The following SCAF4 variants were observed in gnomAD, a reference collection of about 807,000 sequenced individuals.
SCAF4 encodes the protein SR-related and CTD-associated factor 4.
A neutral mutation model predicts 129.8 loss-of-function variants in SCAF4; 25 were observed. The observed-to-expected ratio is 0.19, with a 90% confidence interval of 0.14 to 0.27. SCAF4 has a LOEUF of 0.27. SCAF4 is among the 10% of genes least tolerant of loss of function. The pLI is 1.00. For missense variants in SCAF4, 1,246 were observed against 1,457.1 expected, an observed-to-expected ratio of 0.86 and a Z score of 2.36; for synonymous variants, 551 against 497.7, an observed-to-expected ratio of 1.11 and a Z score of -1.43.
Position 31,672,459 on chromosome 21 carries a change from T to C in SCAF4, c.2489-105A>G, listed in dbSNP as rs548979165. ...GCAAAATAAAATTCAACCCACAATC[T>C]TCAAATTTCATAGTTTGCCACTCTG... On this transcript the variant is annotated intron_variant, in intron 19 of 19. Coordinates refer to ENST00000286835, the MANE Select transcript of SCAF4 (RefSeq NM_020706.2). The C allele has an allele frequency of 1.7e-4, 155 of 922,096 alleles. No individual in the cohort carries two copies. The South Asian group carries it at 2.3e-3, about 14-fold the overall frequency. The allele number at this position is 922,096 out of a possible 1,614,324, so 57.1% of individuals were successfully genotyped here. A position where few individuals can be genotyped will look rare whatever the true frequency, so the allele number is the denominator to read the frequency against.
chr21:31,725,139 T>A (rs902623900), intron 1 of SCAF4, among the ~76,000 whole-genome samples: 1 of 152,184 alleles, frequency 6.6e-6, no homozygotes, highest in Non-Finnish European at 1.5e-5. Context: ...ATCTCCAATT[T>A]TACTGCCAAT....
At chr21:31,694,790 A>G in intron 10 of SCAF4, 23 bp downstream of exon 10, 1 of 1,611,220 alleles carries the variant, frequency 6.2e-7, no homozygotes, top group Non-Finnish European at 8.5e-7. Context: ...AAAAGATAAA[A>G]CTATCTGAGA....
intron 1 of SCAF4, among the ~76,000 whole-genome samples, chr21:31,710,628 A>G (rs2050778548): frequency 6.6e-6 from 1 of 152,230 alleles, no homozygotes; most frequent in African/African-American, 2.4e-5. Flanking sequence ...TGTAGCAGAG[A>G]AAAAACCTGC....
intron 12 of SCAF4, 59 bp from the exon 13 acceptor site, chr21:31,692,508 C>T: frequency 1.8e-6 from 2 of 1,122,578 alleles, no homozygotes; most frequent in East Asian, 2.5e-5. Flanking sequence ...AGCACTGTAG[C>T]TTACATTAAA....
At chr21:31,711,218 TAC>T (rs1308430125) in intron 1 of SCAF4, among the ~76,000 whole-genome samples, 1 of 152,220 alleles carries the variant, frequency 6.6e-6, no homozygotes, top group Non-Finnish European at 1.5e-5. Flanking sequence ...TACAGGGAAA[TAC>T]AGATTTTTCA....
Position 31,705,429 on chromosome 21 carries a change from G to T in SCAF4, c.153C>A (p.Ile51=). ...KHVVQIVEKF[I]KKCKPEYKVP... is the part of the protein sequence containing the mutation. ...TATAATGAGAGATAGTTACCTTTTT[G>T]ATGAACTTTTCTACTATTTGAACTA... Residue 51 remains isoleucine (I), a synonymous_variant, in exon 3 of 20, where the codon ATC becomes ATA. Coordinates refer to ENST00000286835, the MANE Select transcript of SCAF4 (RefSeq NM_020706.2). 2 of 1,267,092 alleles carry T rather than the reference G, an allele frequency of 1.6e-6. No individual in the cohort carries two copies. The highest frequency in any genetic ancestry group is 1.4e-5 in the South Asian group (1 of 73,174). 78.5% of individuals were successfully genotyped at this position (1,267,092 alleles called of 1,614,324 possible). A position where few individuals can be genotyped will look rare whatever the true frequency, so the allele number is the denominator to read the frequency against.
chr21:31,677,375 T>C (rs2049884886), intron 19 of SCAF4, among the ~76,000 whole-genome samples: 1 of 152,102 alleles, frequency 6.6e-6, no homozygotes, highest in African/African-American at 2.4e-5. Flanking sequence ...AGAACAAAAA[T>C]TAAAAACTCC....
At chr21:31,724,553 A>G (rs1312032809) in intron 1 of SCAF4, among the ~76,000 whole-genome samples, 1 of 152,206 alleles carries the variant, frequency 6.6e-6, no homozygotes, top group Non-Finnish European at 1.5e-5. Flanking sequence ...TTCATTACTG[A>G]TGTAACATTT....
chr21:31,719,511 T>G (rs759276161), intron 1 of SCAF4, among the ~76,000 whole-genome samples: 4 of 151,710 alleles, frequency 2.6e-5, no homozygotes, highest in Admixed American at 6.6e-5. Flanking sequence ...CTTCTTTTTT[T>G]TTGTTTTTTT....
At chr21:31,696,335 T>C (rs2050385050) in intron 8 of SCAF4, 114 bp from the exon 9 acceptor site, 3 of 740,354 alleles carry the variant, frequency 4.1e-6, no homozygotes, top group Non-Finnish European at 6.5e-6. Context: ...CTGAACCATA[T>C]ATTTACCTAT....
intron 19 of SCAF4, 168 bp downstream of exon 19, chr21:31,684,881 A>C (rs1309130081): frequency 1.4e-5 from 8 of 586,250 alleles, no homozygotes; most frequent in Non-Finnish European, 2.4e-5. Flanking sequence ...TAAGAGGAAG[A>C]TCTTCCTCAA....
chr21:31,704,866 T>C (rs1202684915), intron 3 of SCAF4, among the ~76,000 whole-genome samples: 2 of 152,176 alleles, frequency 1.3e-5, no homozygotes, highest in Non-Finnish European at 2.9e-5. Context: ...TAAGCCAGTA[T>C]ACAAGGGCCA....
rs2051369473 is a variant in SCAF4 at position 31,731,822 on chromosome 21, C to A, written c.-130G>T. The A allele has an allele frequency of 9.0e-7, 1 of 1,113,358 alleles. No homozygotes were observed. 69.0% of individuals were successfully genotyped at this position (1,113,358 alleles called of 1,614,324 possible). A position where few individuals can be genotyped will look rare whatever the true frequency, so the allele number is the denominator to read the frequency against. On this transcript the variant is annotated 5_prime_UTR_variant, in exon 1 of 20. Coordinates refer to ENST00000286835, the MANE Select transcript of SCAF4 (RefSeq NM_020706.2). ...GCGACGAGCGGCGGAGTCCGAGGCCCGGGCAGGAAGAGGCTGCGCCCGAAG... is the reference window on the plus strand; with the variant it reads ...GCGACGAGCGGCGGAGTCCGAGGCCAGGGCAGGAAGAGGCTGCGCCCGAAG...
At chr21:31,689,808 G>A (rs1299170941) in intron 15 of SCAF4, among the ~76,000 whole-genome samples, 1 of 151,774 alleles carries the variant, frequency 6.6e-6, no homozygotes, top group Non-Finnish European at 1.5e-5. Flanking sequence ...GGTGGCACGC[G>A]CCTGTAGTCC....
At chr21:31,672,393 A>T in intron 19 of SCAF4, 39 bp from the exon 20 acceptor site, 6 of 1,437,376 alleles carry the variant, frequency 4.2e-6, no homozygotes, top group Non-Finnish European at 4.9e-6. Context: ...ACACCACCGA[A>T]GATGGCACTC....
At chr21:31,679,125 G>A (rs1601182155) in intron 19 of SCAF4, among the ~76,000 whole-genome samples, 1 of 152,242 alleles carries the variant, frequency 6.6e-6, no homozygotes, top group East Asian at 1.9e-4. Flanking sequence ...CATAAACCTA[G>A]GAGGACTTGA....
At position 31,696,792 on chromosome 21, in the gene SCAF4, G is replaced by A. The variant is rs372312088; in HGVS notation, c.778-42C>T. On this transcript the variant is annotated intron_variant, in intron 7 of 19. Coordinates refer to ENST00000286835, the MANE Select transcript of SCAF4 (RefSeq NM_020706.2). ...AATATTTCATTTTAAAATTTAGACT[G>A]ATTCACTGCACAAAAAACTTTATGA... 5 of 1,500,660 alleles carry A rather than the reference G, an allele frequency of 3.3e-6. No homozygotes were observed. The African/African-American group carries it at 5.5e-5, about 17-fold the overall frequency. 93.0% of individuals were successfully genotyped at this position (1,500,660 alleles called of 1,614,324 possible). A position where few individuals can be genotyped will look rare whatever the true frequency, so the allele number is the denominator to read the frequency against.
chr21:31,685,209 T>G lies in SCAF4; in HGVS notation c.2328A>C (p.Thr776=), dbSNP rs759891229. ...TGGGATTTCCAATAGATAAGTCTTT[T>G]GTAGTGTCTTCATTTATACCAGCGA... is the stretch of plus-strand genomic sequence containing the variant. The part of the protein sequence containing the change: ...STIAGINEDT[T]KDLSIGNPIP... Residue 776 remains threonine (T), a synonymous_variant, in exon 19 of 20, where the codon ACA becomes ACC. Coordinates refer to ENST00000286835, the MANE Select transcript of SCAF4 (RefSeq NM_020706.2). The G allele has an allele frequency of 6.2e-6, 10 of 1,610,786 alleles. No homozygotes were observed. The East Asian group carries it at 1.1e-4, about 18-fold the overall frequency.
At chr21:31,716,674 C>T (rs967687695) in intron 1 of SCAF4, among the ~76,000 whole-genome samples, 5 of 152,126 alleles carry the variant, frequency 3.3e-5, no homozygotes, top group African/African-American at 4.8e-5. Flanking sequence ...AACCTGAAGA[C>T]AACTCCATAA....
Sources: gnomAD v4.1 joint callset for allele counts (sites outside exome capture counted in the v4.1 genomes callset) on GRCh38, gnomAD v4.1.1 for gene constraint, MANE v1.5 for transcripts, NCBI Gene and HGNC (gene_info 2026-07-23, HGNC 2026-07-21) for gene names.